INTS6: variants seen among roughly 807,000 people sequenced by gnomAD.
INTS6 encodes DEAD box protein.
Under a neutral mutation model 104.9 loss-of-function variants are expected in INTS6, and 16 were observed. That is an observed-to-expected ratio of 0.15 (90% CI 0.10 to 0.23). The LOEUF is 0.23. INTS6 is among the 10% of genes least tolerant of loss of function. The pLI is 1.00. For missense variants in INTS6, 584 were observed against 1,062.8 expected, an observed-to-expected ratio of 0.55 and a Z score of 6.26; for synonymous variants, 324 against 358.7, an observed-to-expected ratio of 0.90 and a Z score of 1.09.
rs146247807 is a variant in INTS6 at position 51,412,428 on chromosome 13, T to G, written c.430-16945A>C. Among the ~76,000 whole-genome samples, 97 of 152,328 alleles carry G rather than the reference T, an allele frequency of 6.4e-4. No individual in the cohort carries two copies. The East Asian group carries it at 0.015, about 24-fold the overall frequency. ...GCCATTTGACTTAGGATCTAGTGTCTTATATTGTACCATGCTGCCTCCTTT... is the reference window on the plus strand; with the variant it reads ...GCCATTTGACTTAGGATCTAGTGTCGTATATTGTACCATGCTGCCTCCTTT... On this transcript the variant is annotated intron_variant, in intron 4 of 17. Coordinates refer to ENST00000311234, the MANE Select transcript of INTS6 (RefSeq NM_012141.3).
At chr13:51,388,105 A>C (rs1384963590) in intron 6 of INTS6, among the ~76,000 whole-genome samples, 1 of 152,218 alleles carries the variant, frequency 6.6e-6, no homozygotes, top group Non-Finnish European at 1.5e-5. Flanking sequence ...TCCAGTAAAC[A>C]TTTACTAGTA....
intron 5 of INTS6, among the ~76,000 whole-genome samples, chr13:51,390,563 C>T (rs1292017351): frequency 1.3e-5 from 2 of 151,998 alleles, no homozygotes; most frequent in Non-Finnish European, 2.9e-5. Flanking sequence ...GTAATAAGCT[C>T]AATATGATGC....
In INTS6 at chr13:51,440,259, A is replaced by C. The variant is rs556433543; in HGVS notation, c.340-9876T>G. 3.3e-5 allele frequency: 5 copies of C among 152,158 alleles called. No homozygotes were observed. In the South Asian group the frequency reaches 8.3e-4, roughly 25 times the overall value. 9.4% of individuals were successfully genotyped at this position (152,158 alleles called of 1,614,324 possible). A position where few individuals can be genotyped will look rare whatever the true frequency, so the allele number is the denominator to read the frequency against. ...TAGCAAGACTCCATCTCAAAAAAAA[A>C]AAAAGTTTTTAAAAAAATAACAATT... On this transcript the variant is annotated intron_variant, in intron 3 of 17. Transcript: ENST00000311234.
rs572563711 is a variant in INTS6 at position 51,370,664 on chromosome 13, C to T, written c.2105-1354G>A. Among the ~76,000 whole-genome samples the T allele has an allele frequency of 4.6e-5, 7 of 152,282 alleles. No homozygotes were observed. The East Asian group carries it at 5.8e-4, about 13-fold the overall frequency. ...TGGTGGGCTGGACAGGATAACTGCACGGCCCAGTGGCAGCAGGCTGGGCAG... is the reference window on the plus strand; with the variant it reads ...TGGTGGGCTGGACAGGATAACTGCATGGCCCAGTGGCAGCAGGCTGGGCAG... On this transcript the variant is annotated intron_variant, in intron 15 of 17. Coordinates refer to ENST00000311234, the MANE Select transcript of INTS6 (RefSeq NM_012141.3).
chr13:51,445,202 A>C (rs909748615), intron 3 of INTS6: 1 of 152,196 alleles, frequency 6.6e-6, no homozygotes, highest in Non-Finnish European at 1.5e-5. Context: ...CTTATCTGCT[A>C]AATTATTTAA....
intron 3 of INTS6, chr13:51,449,688 A>C: frequency 2.0e-6 from 2 of 985,312 alleles, no homozygotes; most frequent in African/African-American, 1.7e-5. Context: ...TTAAGCAGTA[A>C]GACTGTGTTG....
chr13:51,342,446 A>T, the INTS6 span, among the ~76,000 whole-genome samples: 1 of 152,180 alleles, frequency 6.6e-6, no homozygotes, highest in Non-Finnish European at 1.5e-5. Context: ...TGTGATCAGG[A>T]GTGTTGAGTG....
the INTS6 span, chr13:51,344,337 C>T: frequency 1.9e-6 from 3 of 1,613,836 alleles, no homozygotes; most frequent in South Asian, 3.3e-5. Flanking sequence ...TGGCCTGCAG[C>T]CTTTTTGTGC....
At chr13:51,444,400 C>G (rs546784124) in intron 3 of INTS6, 1 of 151,312 alleles carries the variant, frequency 6.6e-6, no homozygotes, top group Non-Finnish European at 1.5e-5. Context: ...CCATGGCACC[C>G]GGCCTATTTT....
In INTS6 at chr13:51,452,750, C is replaced by T. The variant is rs1953092460; in HGVS notation, c.-225G>A. 9 of 1,233,720 alleles carry T rather than the reference C, an allele frequency of 7.3e-6. No homozygotes were observed. Among genetic ancestry groups the T allele is most frequent in the Non-Finnish European group, 8.1e-6 (8 of 983,444 alleles). The allele number at this position is 1,233,720 out of a possible 1,614,324, so 76.4% of individuals were successfully genotyped here. The stretch of plus-strand genomic sequence containing the variant: ...CCCCGTCGTACCCCCGCCTCCGCCT[C>T]CTCCTGCCTGCCTGCCCGCTGGGGC... On this transcript the variant is annotated 5_prime_UTR_variant, in exon 1 of 18. Coordinates refer to ENST00000311234, the MANE Select transcript of INTS6 (RefSeq NM_012141.3). The surrounding 1 kb of genome is among the most constrained non-coding windows in gnomAD (Gnocchi z 4.2).
chr13:51,447,733 G>GAAAAAAAAAA (rs940260743), intron 3 of INTS6: 1 of 55,474 alleles, frequency 1.8e-5, no homozygotes, highest in Non-Finnish European at 3.3e-5. Context: ...ATAATTTACT[G>GAAAAAAAAAA]AAAAAAAAAA....
intron 4 of INTS6, among the ~76,000 whole-genome samples, chr13:51,396,908 T>C (rs1956349852): frequency 6.6e-6 from 1 of 152,192 alleles, no homozygotes; most frequent in Admixed American, 6.5e-5. Flanking sequence ...ATTACTGGAA[T>C]TGTTAATACT....
At chr13:51,432,805 C>T (rs894266035) in intron 3 of INTS6, among the ~76,000 whole-genome samples, 4 of 152,202 alleles carry the variant, frequency 2.6e-5, no homozygotes, top group Admixed American at 1.3e-4. Context: ...CAGCCATCCA[C>T]TATCTACTCA....
In INTS6 at chr13:51,369,013, T is replaced by C; in HGVS notation, c.2402A>G (p.His801Arg). ...SSLNKGKKLM[H>R]CRSHEEVNTE... Reference sequence around the variant, plus strand: ...ATTGACCTCTTCATGGCTTCTGCAATGCATCAATTTCTTTCCTTTGTTGAG... The same window carrying C: ...ATTGACCTCTTCATGGCTTCTGCAACGCATCAATTTCTTTCCTTTGTTGAG... The change falls in exon 16 of 18, where the codon CAT becomes CGT. Residue 801 changes from histidine (H) to arginine (R), a missense_variant. By Grantham distance (29) the His-to-Arg change is conservative (BLOSUM62 0). Coordinates refer to ENST00000311234, the MANE Select transcript of INTS6 (RefSeq NM_012141.3). The C allele has an allele frequency of 6.2e-7, 1 of 1,613,862 alleles. No individual in the cohort carries two copies. The highest frequency in any genetic ancestry group is 8.5e-7 in the Non-Finnish European group (1 of 1,179,826).
intron 3 of INTS6, chr13:51,449,848 T>C (rs1952997949): frequency 1.0e-6 from 1 of 985,288 alleles, no homozygotes. Context: ...AGTATTAATG[T>C]GGTAAGAAAG....
rs1380543574 is a variant in INTS6, at chr13:51,364,170, A to C, written c.*1582T>G. 1 of 730,736 alleles carries C rather than the reference A, an allele frequency of 1.4e-6. No homozygotes were observed. Among genetic ancestry groups the C allele is most frequent in the Non-Finnish European group, 2.2e-6 (1 of 460,096 alleles). The allele number at this position is 730,736 out of a possible 1,614,324, so 45.3% of individuals were successfully genotyped here. A position where few individuals can be genotyped will look rare whatever the true frequency, so the allele number is the denominator to read the frequency against. Reference sequence around the variant, plus strand: ...CATTACTTAAAAGTATTTGTATAGAAGTAAACAAAGCTTAAAGAACTGCAT... The same window carrying C: ...CATTACTTAAAAGTATTTGTATAGACGTAAACAAAGCTTAAAGAACTGCAT... On this transcript the variant is annotated 3_prime_UTR_variant, in exon 18 of 18. Transcript: ENST00000311234.
chr13:51,443,719 A>C (rs967189935), intron 3 of INTS6: 4 of 152,174 alleles, frequency 2.6e-5, no homozygotes, highest in Non-Finnish European at 4.4e-5. Flanking sequence ...AAAAAGCCCC[A>C]AAAAACAAGA....
chr13:51,383,064 G>C (rs1353989292), intron 9 of INTS6, among the ~76,000 whole-genome samples: 2 of 152,030 alleles, frequency 1.3e-5, no homozygotes, highest in African/African-American at 2.4e-5. Context: ...CTGGGTGACA[G>C]AGCGAGACTC....
chr13:51,346,870 A>G, the INTS6 span, among the ~76,000 whole-genome samples: 5 of 152,266 alleles, frequency 3.3e-5, no homozygotes, highest in African/African-American at 1.2e-4. Context: ...TAAGTAGACT[A>G]AAAAGATATT....
Sources: allele counts gnomAD v4.1 joint callset (sites outside exome capture counted in the v4.1 genomes callset), GRCh38; gene constraint gnomAD v4.1.1; non-coding constraint Gnocchi (gnomAD v3.1); transcripts MANE v1.5; gene names NCBI Gene and HGNC (gene_info 2026-07-23, HGNC 2026-07-21).